SPECC1: variants seen among roughly 807,000 people sequenced by gnomAD.
SPECC1 encodes sperm antigen with calponin homology and coiled-coil domains 1, also known as cytospin-B.
In SPECC1, 62 loss-of-function variants were observed where a neutral mutation model predicts 104.1. The observed-to-expected ratio is 0.60, with a 90% CI of 0.49 to 0.74. SPECC1 has a LOEUF of 0.74. SPECC1 is among the 30% of genes least tolerant of loss of function. The pLI, the probability that SPECC1 is intolerant of heterozygous loss-of-function variation, is 0.00. For missense variants in SPECC1, 1,306 were observed against 1,310.5 expected, an observed-to-expected ratio of 1.00 and a Z score of 0.05; for synonymous variants, 513 against 501.6, an observed-to-expected ratio of 1.02 and a Z score of -0.30.
chr17:20,232,740 C>T (rs1009802754), intron 7 of SPECC1, among the ~76,000 whole-genome samples: 2 of 152,142 alleles, frequency 1.3e-5, no homozygotes, highest in African/African-American at 2.4e-5. Flanking sequence ...CTAATAAATA[C>T]GAATCCACCA....
chr17:20,025,590 C>T (rs1597581248), intron 1 of SPECC1, among the ~76,000 whole-genome samples: 2 of 152,184 alleles, frequency 1.3e-5, no homozygotes, highest in African/African-American at 4.8e-5. Flanking sequence ...GATAATACCG[C>T]ATGTTATTTA....
rs565395283 is a variant in SPECC1, at chr17:20,300,512, G to A, written c.3057+3435G>A. ...TACGTCCTCCTGACAGTGTGTGTGC[G>A]TCACTCCCTGCAGTCATCCAGACAG... On this transcript the variant is annotated intron_variant, in intron 13 of 14. Transcript: ENST00000395527. Among the ~76,000 whole-genome samples the A allele has an allele frequency of 1.4e-4, 22 of 152,376 alleles. No individual in the cohort carries two copies. The South Asian group carries it at 2.1e-3, about 14-fold the overall frequency.
intron 7 of SPECC1, among the ~76,000 whole-genome samples, chr17:20,243,585 T>C (rs941740617): frequency 3.9e-5 from 6 of 152,176 alleles, no homozygotes; most frequent in East Asian, 1.9e-4. Flanking sequence ...CACACACACA[T>C]ACCACTGTTA....
intron 1 of SPECC1, among the ~76,000 whole-genome samples, chr17:20,028,500 G>A (rs2044685899): frequency 6.6e-6 from 1 of 151,828 alleles, no homozygotes; most frequent in Non-Finnish European, 1.5e-5. Flanking sequence ...GAAAAAAATA[G>A]AAAAGCACTT....
At chr17:20,028,320 A>T (rs879476903) in intron 1 of SPECC1, among the ~76,000 whole-genome samples, 5 of 151,846 alleles carry the variant, frequency 3.3e-5, no homozygotes, top group African/African-American at 4.8e-5. Context: ...TGTTGAAAAG[A>T]ATGGTCTTGT....
chr17:20,167,476 C>A (rs746132802), intron 3 of SPECC1, among the ~76,000 whole-genome samples: 4 of 151,990 alleles, frequency 2.6e-5, no homozygotes, highest in Admixed American at 6.6e-5. Context: ...GTCAGGAGTT[C>A]GAGACCAGCC....
At chr17:20,039,553 C>T (rs2045237348) in intron 1 of SPECC1, among the ~76,000 whole-genome samples, 1 of 151,982 alleles carries the variant, frequency 6.6e-6, no homozygotes, top group East Asian at 1.9e-4. Context: ...ATATTTAAAG[C>T]AGGTTTCTTT....
At chr17:20,302,251 A>G (rs909382789) in intron 13 of SPECC1, among the ~76,000 whole-genome samples, 3 of 152,224 alleles carry the variant, frequency 2.0e-5, no homozygotes, top group Admixed American at 6.5e-5. Context: ...GAGTTTTGCC[A>G]CAGGTTGGGC....
At chr17:20,311,390 G>T (rs371023678) in intron 14 of SPECC1, among the ~76,000 whole-genome samples, 1,543 of 144,872 alleles carry the variant, frequency 0.011, 34 homozygotes, top group African/African-American at 0.034. Context: ...TTTTGTTTTT[G>T]TTTTTGTTTT....
intron 2 of SPECC1, among the ~76,000 whole-genome samples, chr17:20,099,377 A>G (rs1190325245): frequency 1.3e-5 from 2 of 152,000 alleles, no homozygotes; most frequent in African/African-American, 4.8e-5. Flanking sequence ...AAATATTTTT[A>G]AAAGCAGTGT....
chr17:20,059,749 C>G (rs2046113270), intron 1 of SPECC1, among the ~76,000 whole-genome samples: 1 of 152,164 alleles, frequency 6.6e-6, no homozygotes, highest in Admixed American at 6.5e-5. Context: ...GTAGTCCCAG[C>G]TACTTGGGAG....
intron 3 of SPECC1, among the ~76,000 whole-genome samples, chr17:20,144,152 AT>A (rs2031176036): frequency 8.8e-6 from 1 of 114,266 alleles, no homozygotes; most frequent in Non-Finnish European, 1.9e-5. Context: ...GAAAAATATT[AT>A]TTAATACTGT....
chr17:20,263,295 C>T (rs977901803), intron 12 of SPECC1, among the ~76,000 whole-genome samples: 2 of 147,712 alleles, frequency 1.4e-5, no homozygotes, highest in East Asian at 2.1e-4. Context: ...AACCAAGGGG[C>T]CTTCCTTCAT....
chr17:20,172,275 C>T (rs944770984), intron 3 of SPECC1, among the ~76,000 whole-genome samples: 2 of 152,198 alleles, frequency 1.3e-5, no homozygotes, highest in Non-Finnish European at 2.9e-5. Flanking sequence ...CGTGTTACAG[C>T]TGATCCTCCA....
At chr17:20,241,342 A>G (rs2039191769) in intron 7 of SPECC1, among the ~76,000 whole-genome samples, 1 of 152,114 alleles carries the variant, frequency 6.6e-6, no homozygotes, top group African/African-American at 2.4e-5. Flanking sequence ...CTTTATGCCT[A>G]GGGTAAACCA....
At chr17:20,058,657 T>C (rs1399639945) in intron 1 of SPECC1, among the ~76,000 whole-genome samples, 1 of 151,870 alleles carries the variant, frequency 6.6e-6, no homozygotes, top group Non-Finnish European at 1.5e-5. Context: ...AGACCGTGTA[T>C]TTAAAAAAAA....
At chr17:20,254,409 G>C (rs2039750001) in intron 10 of SPECC1, among the ~76,000 whole-genome samples, 1 of 152,102 alleles carries the variant, frequency 6.6e-6, no homozygotes, top group African/African-American at 2.4e-5. Flanking sequence ...TCTCTAAAAC[G>C]GAAATAATCC....
chr17:20,204,142 A>AC (rs1214082073), intron 3 of SPECC1, among the ~76,000 whole-genome samples, 191 bp from the exon 4 acceptor site: 1 of 152,146 alleles, frequency 6.6e-6, no homozygotes, highest in African/African-American at 2.4e-5. Context: ...AGTCAGCCTC[A>AC]CCCAAAGTAT....
At chr17:20,162,514 T>C (rs952604689) in intron 3 of SPECC1, among the ~76,000 whole-genome samples, 2 of 152,060 alleles carry the variant, frequency 1.3e-5, no homozygotes, top group African/African-American at 4.8e-5. Context: ...ATAACCTACA[T>C]TGTAGGATTG....
Sources: allele counts gnomAD v4.1 joint callset (sites outside exome capture counted in the v4.1 genomes callset), GRCh38; gene constraint gnomAD v4.1.1; transcripts MANE v1.5; gene names NCBI Gene and HGNC (gene_info 2026-07-23, HGNC 2026-07-21).